CIP2A: variants seen among roughly 807,000 people sequenced by gnomAD.
CIP2A encodes cellular inhibitor of PP2A.
Under a neutral mutation model 110.9 loss-of-function variants are expected in CIP2A, and 103 were observed. That is an observed-to-expected ratio of 0.93 (90% CI 0.79 to 1.09). The LOEUF is 1.09. Ranked by LOEUF, CIP2A falls within the 50% of genes least tolerant of loss-of-function variation. CIP2A has a pLI of 0.00. For synonymous variants in CIP2A, 381 were observed against 361.6 expected (o/e 1.05, Z -0.61); for missense variants, 1,088 against 1,038.4 (o/e 1.05, Z -0.66).
intron 1 of CIP2A, chr3:108,585,645 A>C (rs1006252441): frequency 7.7e-5 from 35 of 454,212 alleles, no homozygotes; most frequent in African/African-American, 6.8e-4. Flanking sequence ...ATGCAAATAA[A>C]TTCTAATACA....
intron 7 of CIP2A, 82 bp from the exon 8 acceptor site, chr3:108,576,428 A>T: frequency 1.4e-6 from 1 of 716,134 alleles, no homozygotes; most frequent in Non-Finnish European, 2.2e-6. Flanking sequence ...AGATAAATAT[A>T]AAATTTATGT....
Position 108,560,649 on chromosome 3 carries a change from C to G in CIP2A, c.1827G>C (p.Val609=). The G allele has an allele frequency of 6.3e-7, 1 of 1,591,508 alleles. No homozygotes were observed. Among genetic ancestry groups the G allele is most frequent in the Non-Finnish European group, 8.6e-7 (1 of 1,167,232 alleles). ...TTATAATTGCTATTTTTTCACTCAC[C>G]ACCATTCCAGACTGAAGTTTCTCTA... The part of the protein sequence containing the change: ...ELIEKLQSGM[V]VKDQICDVRI... Residue 609 remains valine (V), a splice_region_variant and synonymous_variant, in exon 14 of 21, where the codon GTG becomes GTC. Transcript: ENST00000295746.
At chr3:108,567,853 A>C (rs1170038051) in intron 10 of CIP2A, among the ~76,000 whole-genome samples, 1 of 151,960 alleles carries the variant, frequency 6.6e-6, no homozygotes, top group African/African-American at 2.4e-5. Flanking sequence ...CAGAATAGTC[A>C]TTTTAGAATT....
Position 108,581,630 on chromosome 3 carries a change from G to A in CIP2A, c.453-119C>T, listed in dbSNP as rs146209886. On this transcript the variant is annotated intron_variant, in intron 4 of 20. Transcript: ENST00000295746. ...TATACATTTCAATTCCCTTTTACAC[G>A]CAAAAAAAAAAACTAATTAACATAA... 1.7e-3 allele frequency: 1,018 copies of A among 590,836 alleles called. 2 individuals carry two copies. The highest frequency in any genetic ancestry group is 2.5e-3 in the Non-Finnish European group (864 of 339,754). The allele number at this position is 590,836 out of a possible 1,614,324, so 36.6% of individuals were successfully genotyped here.
intron 9 of CIP2A, among the ~76,000 whole-genome samples, chr3:108,569,177 T>TATATATATAC (rs374983042): frequency 2.9e-5 from 2 of 69,038 alleles, no homozygotes; most frequent in African/African-American, 9.2e-5. Context: ...ACTATATATA[T>TATATATATAC]ATATACATAC....
chr3:108,557,926 G>A (rs902394161), intron 16 of CIP2A, among the ~76,000 whole-genome samples: 3 of 152,054 alleles, frequency 2.0e-5, no homozygotes, highest in Non-Finnish European at 4.4e-5. Flanking sequence ...CAGAAAAGTC[G>A]CTAGAATAAA....
At chr3:108,563,893 T>C (rs900723413) in intron 12 of CIP2A, among the ~76,000 whole-genome samples, 1 of 151,960 alleles carries the variant, frequency 6.6e-6, no homozygotes, top group East Asian at 1.9e-4. Context: ...CCTTTGAGTA[T>C]CACCTTTGAG....
intron 16 of CIP2A, 78 bp downstream of exon 16, chr3:108,559,679 C>G: frequency 1.4e-6 from 1 of 718,740 alleles, no homozygotes; most frequent in South Asian, 3.1e-5. Context: ...ATTAGAGTAA[C>G]AAATACATAA....
chr3:108,586,643 A>T (rs1055056091), intron 1 of CIP2A, among the ~76,000 whole-genome samples: 1 of 152,186 alleles, frequency 6.6e-6, no homozygotes, highest in African/African-American at 2.4e-5. Context: ...CATCTTCATA[A>T]TAACTCTATA....
At chr3:108,561,846 G>A (rs1938017478) in intron 13 of CIP2A, among the ~76,000 whole-genome samples, 1 of 152,110 alleles carries the variant, frequency 6.6e-6, no homozygotes, top group Non-Finnish European at 1.5e-5. Context: ...AAATAAGACA[G>A]GGAATGCCAA....
chr3:108,573,142 C>T (rs1213509811), intron 8 of CIP2A, among the ~76,000 whole-genome samples: 2 of 151,906 alleles, frequency 1.3e-5, no homozygotes, highest in Admixed American at 1.3e-4. Context: ...GAATAAACCT[C>T]ATTTGGTAAT....
intron 1 of CIP2A, 110 bp from the exon 2 acceptor site, chr3:108,585,322 T>C (rs966321653): frequency 1.5e-5 from 15 of 995,200 alleles, no homozygotes; most frequent in Non-Finnish European, 2.0e-5. Context: ...ACCTTCCCAA[T>C]TTAAAAAATT....
intron 10 of CIP2A, among the ~76,000 whole-genome samples, chr3:108,567,881 T>C (rs1472358453): frequency 6.6e-6 from 1 of 151,914 alleles, no homozygotes; most frequent in Non-Finnish European, 1.5e-5. Context: ...AAATGTCAAA[T>C]TGTGATACAA....
chr3:108,558,276 A>G (rs1235024912), intron 16 of CIP2A, among the ~76,000 whole-genome samples: 1 of 152,172 alleles, frequency 6.6e-6, no homozygotes, highest in Non-Finnish European at 1.5e-5. Flanking sequence ...ATGGGGGAAA[A>G]AAAGAATACC....
intron 5 of CIP2A, among the ~76,000 whole-genome samples, chr3:108,580,836 C>T (rs1023304678): frequency 5.9e-5 from 9 of 152,192 alleles, no homozygotes; most frequent in African/African-American, 1.9e-4. Context: ...CCATGTTGGC[C>T]GAGATGGTCT....
chr3:108,585,633 C>A, intron 1 of CIP2A: 1 of 454,422 alleles, frequency 2.2e-6, no homozygotes, highest in Non-Finnish European at 4.4e-6. Context: ...AATATATTTA[C>A]TATGCAAATA....
intron 19 of CIP2A, among the ~76,000 whole-genome samples, chr3:108,552,928 G>A (rs1937627892): frequency 6.6e-6 from 1 of 152,028 alleles, no homozygotes. Flanking sequence ...AGAGTTGGCA[G>A]GAGGTTGAAA....
intron 11 of CIP2A, 134 bp downstream of exon 11, chr3:108,566,363 T>C (rs1251624422): frequency 1.6e-6 from 1 of 642,838 alleles, no homozygotes; most frequent in Admixed American, 3.1e-5. Context: ...AAAAAATTCA[T>C]TATGAAAATA....
In CIP2A at chr3:108,552,374, C is replaced by A; in HGVS notation, c.2408-1G>T. The A allele has an allele frequency of 6.6e-7, 1 of 1,508,760 alleles. No homozygotes were observed. Among genetic ancestry groups the A allele is most frequent in the South Asian group, 1.3e-5 (1 of 79,996 alleles). 93.5% of individuals were successfully genotyped at this position (1,508,760 alleles called of 1,614,324 possible). ...TGTACTTTTGTTTTTTGATGCAAAT[C>A]TTAAAAGAAAAAAAAGTCAAGTATT... is the stretch of plus-strand genomic sequence containing the variant. On this transcript the variant is annotated splice_acceptor_variant, in intron 19 of 20. Coordinates refer to ENST00000295746, the MANE Select transcript of CIP2A (RefSeq NM_020890.3). LOFTEE classifies it high-confidence loss of function.
Sources: allele counts gnomAD v4.1 joint callset (sites outside exome capture counted in the v4.1 genomes callset), GRCh38; gene constraint gnomAD v4.1.1; transcripts MANE v1.5; gene names NCBI Gene and HGNC (gene_info 2026-07-23, HGNC 2026-07-21).